The following RBFOX1 variants were observed in gnomAD, a reference collection of about 807,000 sequenced individuals.
The protein encoded by RBFOX1 is RNA binding fox-1 homolog 1.
A neutral mutation model predicts 57.7 loss-of-function variants in RBFOX1; 8 were observed. The observed-to-expected ratio is 0.14, with a 90% CI of 0.08 to 0.25. RBFOX1 has a LOEUF of 0.25. Ranked by LOEUF, RBFOX1 falls within the 10% of genes least tolerant of loss-of-function variation. RBFOX1 has a pLI of 1.00. For missense variants in RBFOX1, 611 were observed against 548.5 expected (o/e 1.11, Z -1.14); for synonymous variants, 326 against 222.4 (o/e 1.47, Z -4.15).
chr16:5,731,503 G>C (rs1345518605), intron 3 of RBFOX1, among the ~76,000 whole-genome samples: 1 of 152,232 alleles, frequency 6.6e-6, no homozygotes, highest in Non-Finnish European at 1.5e-5. Context: ...CAGATGAGTA[G>C]GAGGGGCCGT....
chr16:7,226,015 G>C (rs1025537774), intron 4 of RBFOX1, among the ~76,000 whole-genome samples: 2 of 151,710 alleles, frequency 1.3e-5, no homozygotes, highest in African/African-American at 4.9e-5. Flanking sequence ...TGCTGAATCT[G>C]TACACTCTGC....
In RBFOX1 at chr16:5,357,055, C is replaced by G. The variant is rs558430324; in HGVS notation, c.220-110161C>G. 1.2e-3 allele frequency among the ~76,000 whole-genome samples: 177 copies of G among 152,302 alleles called. 5 individuals are homozygous for G. The South Asian group carries it at 0.036, about 31-fold the overall frequency. On this transcript the variant is annotated intron_variant, in intron 1 of 2. Coordinates refer to the RBFOX1 transcript ENST00000585867. ...TTTAAACTACTTGCCCGTGATGACA[C>G]AGTTCGACAGCAGTAGAGTTAGGAG...
At chr16:6,879,958 T>C (rs2062597657) in intron 3 of RBFOX1, among the ~76,000 whole-genome samples, 1 of 152,216 alleles carries the variant, frequency 6.6e-6, no homozygotes, top group African/African-American at 2.4e-5. Flanking sequence ...ATCTGTTCAG[T>C]GGCATTTCTA....
intron 4 of RBFOX1, among the ~76,000 whole-genome samples, chr16:7,452,028 G>A (rs922108331): frequency 6.6e-6 from 1 of 152,182 alleles, no homozygotes; most frequent in African/African-American, 2.4e-5. Flanking sequence ...CTTATTCCAT[G>A]ACCAAAGCAA....
At chr16:7,113,817 T>G (rs1282667104) in intron 4 of RBFOX1, among the ~76,000 whole-genome samples, 1 of 152,170 alleles carries the variant, frequency 6.6e-6, no homozygotes, top group African/African-American at 2.4e-5. Context: ...CCCGTGCTGA[T>G]GGACATTAAA....
At chr16:6,907,265 G>C (rs539355692) in intron 3 of RBFOX1, among the ~76,000 whole-genome samples, 1 of 152,176 alleles carries the variant, frequency 6.6e-6, no homozygotes, top group Non-Finnish European at 1.5e-5. Flanking sequence ...AGCGTTTGTA[G>C]TGCTGACAGT....
chr16:6,066,436 GA>G (rs1356029371), intron 1 of RBFOX1, among the ~76,000 whole-genome samples: 1 of 151,960 alleles, frequency 6.6e-6, no homozygotes, highest in Non-Finnish European at 1.5e-5. Flanking sequence ...CATCAGAAGG[GA>G]AAAACCCTTT....
chr16:5,543,443 G>C (rs2045051197), intron 2 of RBFOX1, among the ~76,000 whole-genome samples: 1 of 152,136 alleles, frequency 6.6e-6, no homozygotes, highest in Admixed American at 6.5e-5. Context: ...ACACAAAAAA[G>C]ATGAGTGAAC....
At chr16:7,559,710 G>A (rs1246861348) in intron 5 of RBFOX1, among the ~76,000 whole-genome samples, 1 of 152,220 alleles carries the variant, frequency 6.6e-6, no homozygotes, top group African/African-American at 2.4e-5. Flanking sequence ...CACAGTGCCA[G>A]AAGCCAGAGT....
intron 4 of RBFOX1, among the ~76,000 whole-genome samples, chr16:7,252,696 T>TA (rs2094538917): frequency 7.2e-6 from 1 of 139,752 alleles, no homozygotes; most frequent in Non-Finnish European, 1.6e-5. Context: ...ATTTACATCC[T>TA]TTTTTTTTTT....
intron 4 of RBFOX1, among the ~76,000 whole-genome samples, chr16:5,887,903 G>A (rs1263626282): frequency 1.3e-5 from 2 of 152,120 alleles, no homozygotes; most frequent in Non-Finnish European, 1.5e-5. Flanking sequence ...ATAAAATGAT[G>A]GCATGAAGAT....
At chr16:7,399,867 C>A (rs1006297195) in intron 4 of RBFOX1, among the ~76,000 whole-genome samples, 1 of 152,186 alleles carries the variant, frequency 6.6e-6, no homozygotes, top group Non-Finnish European at 1.5e-5. Flanking sequence ...TTATTGTGAA[C>A]TATCCTTGCA....
intron 2 of RBFOX1, among the ~76,000 whole-genome samples, chr16:6,370,696 G>T (rs967694549): frequency 9.2e-5 from 14 of 152,290 alleles, no homozygotes; most frequent in African/African-American, 2.6e-4. Flanking sequence ...ATAGAATGGG[G>T]AGTTGATGTT....
intron 3 of RBFOX1, among the ~76,000 whole-genome samples, chr16:5,689,684 A>C (rs981459336): frequency 2.0e-5 from 3 of 152,114 alleles, no homozygotes; most frequent in African/African-American, 7.2e-5. Context: ...TCATTCGTAC[A>C]TCAGATATAT....
At chr16:6,971,487 AGAG>A (rs956639419) in intron 3 of RBFOX1, among the ~76,000 whole-genome samples, 2 of 122,486 alleles carry the variant, frequency 1.6e-5, no homozygotes, top group African/African-American at 5.2e-5. Context: ...TGCAATATGA[AGAG>A]AGAGAGAGAG....
chr16:5,783,539 CT>C, intron 3 of RBFOX1, among the ~76,000 whole-genome samples: 1 of 152,330 alleles, frequency 6.6e-6, no homozygotes, highest in East Asian at 1.9e-4. Flanking sequence ...GACATCACGT[CT>C]GTTTTCATCG....
At chr16:7,639,436 T>G in intron 11 of RBFOX1, among the ~76,000 whole-genome samples, 1 of 152,206 alleles carries the variant, frequency 6.6e-6, no homozygotes, top group East Asian at 1.9e-4. Flanking sequence ...TTTTAGTCCT[T>G]TGATCGGAGA....
chr16:6,164,386 G>C (rs17804371), intron 1 of RBFOX1, among the ~76,000 whole-genome samples: 59,709 of 151,644 alleles, frequency 0.39, 14,290 homozygotes, highest in Middle Eastern at 0.55. Flanking sequence ...TTTGTATCCT[G>C]AGGAATCTTG....
At chr16:5,750,845 C>T (rs1247666559) in intron 3 of RBFOX1, among the ~76,000 whole-genome samples, 5 of 152,226 alleles carry the variant, frequency 3.3e-5, no homozygotes, top group Admixed American at 6.5e-5. Context: ...TGCTTCGGCT[C>T]ACGCATGGTG....
Sources: allele counts gnomAD v4.1 joint callset (sites outside exome capture counted in the v4.1 genomes callset), GRCh38; gene constraint gnomAD v4.1.1; transcripts MANE v1.5; gene names NCBI Gene and HGNC (gene_info 2026-07-23, HGNC 2026-07-21).